The following HDLBP variants were observed in gnomAD, a reference collection of about 807,000 sequenced individuals.
The protein encoded by HDLBP is high density lipoprotein binding protein.
A neutral mutation model predicts 137.3 loss-of-function variants in HDLBP; 30 were observed. The ratio of observed to expected loss-of-function variants is 0.22; its 90% CI spans 0.16 to 0.30. The LOEUF is 0.30. Among genes scored for constraint, HDLBP ranks in the 10% least tolerant of loss-of-function variants. The probability of loss-of-function intolerance (pLI) is 1.00; values close to 1 mark genes in which losing one functional copy is unlikely to be tolerated. For synonymous variants in HDLBP, 606 were observed against 596.0 expected (o/e 1.02, Z -0.24); for missense variants, 1,119 against 1,667.3 (o/e 0.67, Z 5.73).
chr2:241,262,368 C>G (rs2073271539), intron 5 of HDLBP, among the ~76,000 whole-genome samples: 1 of 152,078 alleles, frequency 6.6e-6, no homozygotes, highest in African/African-American at 2.4e-5. Context: ...TGCCTGAGCC[C>G]AGGAGTTTGA....
intron 4 of HDLBP, 105 bp from the exon 5 acceptor site, chr2:241,263,031 C>G: frequency 2.4e-6 from 2 of 837,708 alleles, no homozygotes; most frequent in East Asian, 2.6e-5. Context: ...CAAAGCAGCC[C>G]CACCCTGCCC....
rs1574843459 is a variant in HDLBP, at chr2:241,233,995, G to A, written c.3145-32C>T. 1.9e-6 allele frequency: 3 copies of A among 1,613,172 alleles called. No homozygotes were observed. The highest frequency in any genetic ancestry group is 2.5e-6 in the Non-Finnish European group (3 of 1,179,236). Reference sequence around the variant, plus strand: ...ATGAAAGGAGCAAGAATGAGGCAAAGATTGAGCTGATCCACCCTGTGACTC... The same window carrying A: ...ATGAAAGGAGCAAGAATGAGGCAAAAATTGAGCTGATCCACCCTGTGACTC... On this transcript the variant is annotated intron_variant, in intron 23 of 27. Transcript: ENST00000310931. This position sits in a 1 kb window ranked among gnomAD's most constrained non-coding sequence, Gnocchi z 4.3.
rs192798125 is a variant in HDLBP at position 241,300,677 on chromosome 2, G to A, written c.-103+14893C>T. 3.2e-4 allele frequency among the ~76,000 whole-genome samples: 48 copies of A among 152,298 alleles called. No homozygotes were observed. In the East Asian group the frequency reaches 8.3e-3, roughly 26 times the overall value. On this transcript the variant is annotated intron_variant, in intron 1 of 27. Coordinates refer to ENST00000310931, the MANE Select transcript of HDLBP (RefSeq NM_005336.6). ...GGTAACTGGCGCAAGATTTGATGGA[G>A]AAAAGACCTTCACATCACCACCTCA...
chr2:241,300,198 G>T (rs2075343293), intron 1 of HDLBP, among the ~76,000 whole-genome samples: 1 of 152,050 alleles, frequency 6.6e-6, no homozygotes. Flanking sequence ...TCCACATGGG[G>T]AACTCCCCCC....
At chr2:241,293,177 T>C (rs1421338651) in intron 1 of HDLBP, among the ~76,000 whole-genome samples, 3 of 48,632 alleles carry the variant, frequency 6.2e-5, no homozygotes, top group African/African-American at 4.8e-4. Context: ...AAAACCAAAG[T>C]AGAAGGAACA....
intron 3 of HDLBP, among the ~76,000 whole-genome samples, chr2:241,265,051 T>C (rs147510648): frequency 6.6e-6 from 1 of 152,366 alleles, no homozygotes; most frequent in East Asian, 1.9e-4. Context: ...ACAATGGTCC[T>C]ACCCAGCACC....
At chr2:241,235,354 C>T (rs754306791) in intron 22 of HDLBP, 99 bp from the exon 23 acceptor site, 179 of 1,556,558 alleles carry the variant, frequency 1.1e-4, no homozygotes, top group Middle Eastern at 3.4e-4. Context: ...GAAGGCCACC[C>T]GCCGTGAAGG....
In HDLBP at chr2:241,230,136, G is replaced by A; in HGVS notation, c.3591+17C>T. The stretch of plus-strand genomic sequence containing the variant: ...GTGCCAGGGCGCCTCAGGGCTCCAA[G>A]GCCCACAGAGACTCACGTATTCCTC... On this transcript the variant is annotated intron_variant, in intron 26 of 27. Coordinates refer to ENST00000310931, the MANE Select transcript of HDLBP (RefSeq NM_005336.6). The surrounding 1 kb of genome is among the most constrained non-coding windows in gnomAD (Gnocchi z 5.0). 9.4e-6 allele frequency: 15 copies of A among 1,602,388 alleles called. No homozygotes were observed. Among genetic ancestry groups the A allele is most frequent in the African/African-American group, 1.3e-5 (1 of 74,832 alleles).
chr2:241,308,464 C>A (rs1228535679), intron 1 of HDLBP, among the ~76,000 whole-genome samples: 1 of 152,228 alleles, frequency 6.6e-6, no homozygotes, highest in Non-Finnish European at 1.5e-5. Flanking sequence ...CTCAATTAGT[C>A]ACACAGTAGA....
chr2:241,260,608 G>T (rs960868659), intron 5 of HDLBP, among the ~76,000 whole-genome samples: 1 of 152,170 alleles, frequency 6.6e-6, no homozygotes, highest in East Asian at 1.9e-4. Context: ...AACCCTTAAC[G>T]AATTTGGGCA....
At chr2:241,293,727 C>G (rs2075081267) in intron 1 of HDLBP, among the ~76,000 whole-genome samples, 1 of 151,854 alleles carries the variant, frequency 6.6e-6, no homozygotes, top group African/African-American at 2.4e-5. Context: ...TAAGACCAGC[C>G]TGGGCAACAT....
intron 17 of HDLBP, among the ~76,000 whole-genome samples, chr2:241,241,322 CTT>C: frequency 6.6e-6 from 1 of 152,198 alleles, no homozygotes; most frequent in South Asian, 2.1e-4. Flanking sequence ...AATCCCAGCA[CTT>C]TGGGAGGCCG....
At chr2:241,310,580 A>C (rs1396565633) in intron 1 of HDLBP, among the ~76,000 whole-genome samples, 1 of 152,214 alleles carries the variant, frequency 6.6e-6, no homozygotes, top group Non-Finnish European at 1.5e-5. Context: ...ACAAAAACAA[A>C]AATTTTAGAG....
At chr2:241,273,439 G>A (rs531934880) in intron 1 of HDLBP, 3 of 406,934 alleles carry the variant, frequency 7.4e-6, no homozygotes, top group African/African-American at 4.3e-5. Context: ...CAAAAGAACC[G>A]GTGTGTGGCC....
chr2:241,269,012 G>A (rs191147944), intron 1 of HDLBP: 4 of 152,376 alleles, frequency 2.6e-5, no homozygotes, highest in Admixed American at 1.3e-4. Context: ...AAGAGCTACC[G>A]TCTTCAAGAA....
At chr2:241,263,584 G>C (rs975224148) in intron 4 of HDLBP, among the ~76,000 whole-genome samples, 1 of 152,124 alleles carries the variant, frequency 6.6e-6, no homozygotes, top group African/African-American at 2.4e-5. Context: ...TAGCAGACAG[G>C]TGAAAATGGA....
intron 1 of HDLBP, among the ~76,000 whole-genome samples, chr2:241,313,384 A>G (rs1234790902): frequency 3.3e-5 from 5 of 152,046 alleles, no homozygotes; most frequent in African/African-American, 1.2e-4. Context: ...GGTTCAAGCG[A>G]TTCTCATGCC....
chr2:241,285,986 A>C (rs537792999), intron 1 of HDLBP, among the ~76,000 whole-genome samples: 8 of 152,356 alleles, frequency 5.3e-5, no homozygotes, highest in Middle Eastern at 6.8e-3. Flanking sequence ...GTGCCACAGC[A>C]CTCCAGCCTG....
At chr2:241,258,823 C>T (rs982776315) in intron 5 of HDLBP, among the ~76,000 whole-genome samples, 4 of 152,130 alleles carry the variant, frequency 2.6e-5, no homozygotes, top group African/African-American at 7.2e-5. Context: ...CCTCTCACAT[C>T]GGCTAAAACC....
Sources: gnomAD v4.1 joint callset for allele counts (sites outside exome capture counted in the v4.1 genomes callset) on GRCh38, gnomAD v4.1.1 for gene constraint, Gnocchi (gnomAD v3.1) non-coding constraint, MANE v1.5 for transcripts, NCBI Gene and HGNC (gene_info 2026-07-23, HGNC 2026-07-21) for gene names.